TCF12: variants seen among roughly 807,000 people sequenced by gnomAD.
TCF12 encodes transcription factor 12.
In TCF12, 45 loss-of-function variants were observed where a neutral mutation model predicts 86.0. The observed-to-expected ratio is 0.52, with a 90% CI of 0.41 to 0.67. TCF12 has a LOEUF of 0.67. Among genes scored for constraint, TCF12 ranks in the 30% least tolerant of loss-of-function variants. TCF12 has a pLI of 0.00. For missense variants in TCF12, 881 were observed against 859.9 expected (o/e 1.02, Z -0.31); for synonymous variants, 330 against 299.6 (o/e 1.10, Z -1.05).
At chr15:57,077,323 A>G (rs28516486) in intron 4 of TCF12, among the ~76,000 whole-genome samples, 664 of 35,670 alleles carry the variant, frequency 0.019, 26 homozygotes, top group African/African-American at 0.087. Flanking sequence ...ATATATGTAT[A>G]TATATGTGTG....
intron 3 of TCF12, among the ~76,000 whole-genome samples, chr15:57,005,291 T>G (rs1370379697): frequency 1.3e-5 from 2 of 152,236 alleles, no homozygotes; most frequent in African/African-American, 4.8e-5. Context: ...CATGTACATT[T>G]TTTTAATCTC....
At chr15:57,269,236 A>G (rs1418449005) in intron 18 of TCF12, among the ~76,000 whole-genome samples, 8 of 151,860 alleles carry the variant, frequency 5.3e-5, no homozygotes, top group Admixed American at 4.6e-4. Context: ...TATTTGGGAT[A>G]GTTAGGTCTT....
At chr15:57,022,054 T>TTATGTATGTATG (rs529943161) in intron 3 of TCF12, among the ~76,000 whole-genome samples, 2,929 of 152,102 alleles carry the variant, frequency 0.019, 101 homozygotes, top group African/African-American at 0.066. Flanking sequence ...TTTCTTTTTT[T>TTATGTATGTATG]TATGTATGTA....
chr15:57,014,717 C>T (rs972888750), intron 3 of TCF12, among the ~76,000 whole-genome samples: 2 of 152,008 alleles, frequency 1.3e-5, no homozygotes, highest in Admixed American at 1.3e-4. Flanking sequence ...ATTTCTGGCT[C>T]AACAACTCAG....
intron 3 of TCF12, among the ~76,000 whole-genome samples, chr15:56,973,886 C>A (rs2062466557): frequency 6.6e-6 from 1 of 152,004 alleles, no homozygotes; most frequent in Non-Finnish European, 1.5e-5. Flanking sequence ...GTTATTCCTG[C>A]CAAAAATCTA....
At chr15:57,090,366 C>T (rs1410016336) in intron 4 of TCF12, among the ~76,000 whole-genome samples, 2 of 152,124 alleles carry the variant, frequency 1.3e-5, no homozygotes, top group Non-Finnish European at 2.9e-5. Flanking sequence ...CACTTGTGGT[C>T]ATAAGTTGTG....
chr15:56,933,041 A>C (rs1462637612), intron 3 of TCF12, among the ~76,000 whole-genome samples: 2 of 152,206 alleles, frequency 1.3e-5, no homozygotes, highest in East Asian at 3.9e-4. Flanking sequence ...GTTGGGAAGA[A>C]TATGAAATTT....
chr15:57,206,172 C>G (rs1459271989), intron 8 of TCF12, among the ~76,000 whole-genome samples: 2 of 152,170 alleles, frequency 1.3e-5, no homozygotes, highest in Admixed American at 1.3e-4. Flanking sequence ...ACAATAAACT[C>G]TGGCCCAGTG....
chr15:57,061,848 A>G (rs1428517936), intron 3 of TCF12, among the ~76,000 whole-genome samples: 1 of 152,120 alleles, frequency 6.6e-6, no homozygotes, highest in Non-Finnish European at 1.5e-5. Context: ...TTTTTCTTGG[A>G]TTGAGTCTCA....
chr15:56,958,182 C>CT (rs2061579979), intron 3 of TCF12, among the ~76,000 whole-genome samples: 1 of 152,184 alleles, frequency 6.6e-6, no homozygotes, highest in Non-Finnish European at 1.5e-5. Context: ...CCTGCCGACT[C>CT]TATGAGATCC....
intron 3 of TCF12, among the ~76,000 whole-genome samples, chr15:57,003,008 G>A (rs2064141572): frequency 1.3e-5 from 2 of 152,156 alleles, no homozygotes; most frequent in South Asian, 4.1e-4. Context: ...TAGGTTAACA[G>A]CAAACTTAGA....
intron 3 of TCF12, among the ~76,000 whole-genome samples, chr15:56,927,561 CT>C (rs2060069728): frequency 6.6e-6 from 1 of 152,116 alleles, no homozygotes; most frequent in Admixed American, 6.5e-5. Context: ...TATAGCATAA[CT>C]TAACAAATCC....
chr15:57,253,099 CT>C (rs1412283090), intron 15 of TCF12, among the ~76,000 whole-genome samples, 162 bp from the exon 16 acceptor site: 1 of 151,906 alleles, frequency 6.6e-6, no homozygotes, highest in Non-Finnish European at 1.5e-5. Flanking sequence ...TACATACAGC[CT>C]TTTTTTGTTG....
chr15:57,098,654 C>G lies in TCF12; in HGVS notation c.325+6763C>G, dbSNP rs115975908. Among the ~76,000 whole-genome samples, 619 of 152,296 alleles carry G rather than the reference C, an allele frequency of 4.1e-3. 4 individuals are homozygous for G. Among genetic ancestry groups the G allele is most frequent in the African/African-American group, 0.014 (602 of 41,560 alleles). On this transcript the variant is annotated intron_variant, in intron 5 of 20. Transcript: ENST00000333725. ...TCTTACAGACATTCAGAAGAGATTA[C>G]ATTCAGGCACAACCAGAGGTGATCA...
chr15:57,164,899 T>C (rs2054762210), intron 5 of TCF12, among the ~76,000 whole-genome samples: 1 of 152,190 alleles, frequency 6.6e-6, no homozygotes, highest in Non-Finnish European at 1.5e-5. Context: ...CACGCTGGTC[T>C]TGAACTCCTG....
intron 5 of TCF12, among the ~76,000 whole-genome samples, chr15:57,104,861 GTTTTTTTTTTTTTT>G (rs11336613): frequency 2.0e-4 from 14 of 71,446 alleles, no homozygotes; most frequent in African/African-American, 7.1e-4. Flanking sequence ...CTTTGGTGGT[GTTTTTTTTTTTTTT>G]TTTTTTTTTT....
At chr15:57,139,222 C>T (rs2052774986) in intron 5 of TCF12, among the ~76,000 whole-genome samples, 1 of 152,170 alleles carries the variant, frequency 6.6e-6, no homozygotes, top group Non-Finnish European at 1.5e-5. Flanking sequence ...CTCTCGTAAT[C>T]TCTGTCCCCT....
chr15:57,165,464 A>G (rs2054818403), intron 5 of TCF12, among the ~76,000 whole-genome samples: 1 of 152,150 alleles, frequency 6.6e-6, no homozygotes, highest in African/African-American at 2.4e-5. Context: ...TAAAACATAC[A>G]TGGTAATCAT....
chr15:57,089,152 A>G (rs1295794157), intron 4 of TCF12, among the ~76,000 whole-genome samples: 2 of 152,226 alleles, frequency 1.3e-5, no homozygotes, highest in Non-Finnish European at 2.9e-5. Flanking sequence ...GCACCTGTAG[A>G]TGAAGAACTA....
Sources: allele counts gnomAD v4.1 joint callset (sites outside exome capture counted in the v4.1 genomes callset), GRCh38; gene constraint gnomAD v4.1.1; transcripts MANE v1.5; gene names NCBI Gene and HGNC (gene_info 2026-07-23, HGNC 2026-07-21).